The following HMCN1 variants were observed in gnomAD, a reference collection of about 807,000 sequenced individuals.
The protein encoded by HMCN1 is hemicentin-1.
Under a neutral mutation model 625.9 loss-of-function variants are expected in HMCN1, and 321 were observed. That is an observed-to-expected ratio of 0.51 (90% CI 0.47 to 0.56). HMCN1 has a LOEUF of 0.56. Ranked by LOEUF, HMCN1 falls within the 20% of genes least tolerant of loss-of-function variation. The probability of loss-of-function intolerance (pLI) is 0.00; values close to 1 mark genes in which losing one functional copy is unlikely to be tolerated. For missense variants in HMCN1, 6,588 were observed against 6,887.3 expected (o/e 0.96, Z 1.54); for synonymous variants, 2,425 against 2,417.6 (o/e 1.00, Z -0.09).
chr1:186,123,316 T>G, intron 81 of HMCN1, 96 bp downstream of exon 81: 1 of 1,413,592 alleles, frequency 7.1e-7, no homozygotes, highest in Non-Finnish European at 9.7e-7. Flanking sequence ...CAAAAACCCT[T>G]AAACTCAGTA....
intron 89 of HMCN1, among the ~76,000 whole-genome samples, chr1:186,143,961 T>TA (rs1650124860): frequency 6.6e-6 from 1 of 152,200 alleles, no homozygotes; most frequent in African/African-American, 2.4e-5. Flanking sequence ...TGGCATCAGG[T>TA]AAGCCTTCTG....
At chr1:186,094,769 G>T (rs1406378051) in intron 67 of HMCN1, among the ~76,000 whole-genome samples, 2 of 152,106 alleles carry the variant, frequency 1.3e-5, no homozygotes, top group Non-Finnish European at 2.9e-5. Context: ...TATATGGAGA[G>T]AACTCAATAC....
At chr1:186,044,027 G>C (rs1656384813) in intron 40 of HMCN1, among the ~76,000 whole-genome samples, 9 of 152,108 alleles carry the variant, frequency 5.9e-5, no homozygotes. Flanking sequence ...TTTGCAGTGA[G>C]CCGAGATCAT....
chr1:186,178,497 C>T lies in HMCN1; in HGVS notation c.16025C>T (p.Pro5342Leu). ...NTPGSFKCICPPGQHLLGDGK... is the reference protein window; with the variant it reads ...NTPGSFKCICLPGQHLLGDGK... ...CCCGGCAGCTTCAAGTGTATCTGTC[C>T]ACCAGGACAACATTTATTAGGGGAC... The change falls in exon 104 of 107, where the codon CCA (proline) becomes CTA (leucine). Residue 5342 changes from proline to leucine, a missense_variant. Around this residue, in one of 3 missense-constraint regions of HMCN1, gnomAD observed 1,954 missense variants for 2,013.1 expected, o/e 0.97. Transcript: ENST00000271588. The T allele has an allele frequency of 6.2e-7, 1 of 1,614,066 alleles. No individual in the cohort carries two copies. The highest frequency in any genetic ancestry group is 8.5e-7 in the Non-Finnish European group (1 of 1,179,992).
chr1:185,808,670 T>C (rs1193930544), intron 1 of HMCN1, among the ~76,000 whole-genome samples: 2 of 152,214 alleles, frequency 1.3e-5, no homozygotes, highest in African/African-American at 4.8e-5. Context: ...CATATTATAT[T>C]TTGATGTTTG....
At chr1:185,827,336 AAAAC>A in intron 1 of HMCN1, among the ~76,000 whole-genome samples, 1 of 152,262 alleles carries the variant, frequency 6.6e-6, no homozygotes, top group Non-Finnish European at 1.5e-5. Context: ...AAAATAAAGT[AAAAC>A]AAAACTTTAA....
chr1:185,857,584 G>T lies in HMCN1; in HGVS notation c.340-6886G>T, dbSNP rs12024953. On this transcript the variant is annotated intron_variant, in intron 2 of 106. Coordinates refer to ENST00000271588, the MANE Select transcript of HMCN1 (RefSeq NM_031935.3). Reference sequence around the variant, plus strand: ...TGACTGTATGCCAGGACAGAGAGGGGTGTGGGGGAGAGATCAAACATAGGG... The same window carrying T: ...TGACTGTATGCCAGGACAGAGAGGGTTGTGGGGGAGAGATCAAACATAGGG... 1.3e-3 allele frequency among the ~76,000 whole-genome samples: 195 copies of T among 152,172 alleles called. 3 individuals are homozygous for T. In the East Asian group the frequency reaches 0.034, roughly 27 times the overall value.
chr1:185,997,430 A>G lies in HMCN1; in HGVS notation c.3780A>G (p.Glu1260=), dbSNP rs1232502379. 1 of 1,604,012 alleles carries G rather than the reference A, an allele frequency of 6.2e-7. No individual in the cohort carries two copies. The highest frequency in any genetic ancestry group is 8.5e-7 in the Non-Finnish European group (1 of 1,171,518). The change falls in exon 25 of 107, where the codon GAA becomes GAG. Residue 1260 remains glutamate (E), a splice_region_variant and synonymous_variant. Transcript: ENST00000271588. ...ATAATGCATTTATTTTCCTAATAGA[A>G]CCACCCACAGTGGAAGATCTAGAAC... The part of the protein sequence containing the change: ...DETEITLHVQ[E]PPTVEDLEPP...
At chr1:185,951,127 C>T (rs1285232716) in intron 11 of HMCN1, among the ~76,000 whole-genome samples, 1 of 151,388 alleles carries the variant, frequency 6.6e-6, no homozygotes, top group African/African-American at 2.4e-5. Context: ...GTAGAGGTAT[C>T]TTATACTTGT....
intron 1 of HMCN1, among the ~76,000 whole-genome samples, chr1:185,761,001 C>T (rs1655464842): frequency 6.6e-6 from 1 of 151,968 alleles, no homozygotes; most frequent in South Asian, 2.1e-4. Context: ...TCTTATTTTC[C>T]TTTTATTTAT....
At chr1:185,886,846 G>A (rs866988865) in intron 4 of HMCN1, among the ~76,000 whole-genome samples, 16 of 152,094 alleles carry the variant, frequency 1.1e-4, no homozygotes, top group African/African-American at 2.9e-4. Context: ...TCTAAAAACC[G>A]ATTCTACTGC....
chr1:186,087,982 G>A lies in HMCN1; in HGVS notation c.9414G>A (p.Arg3138=), dbSNP rs372110788. 8.7e-6 allele frequency: 14 copies of A among 1,612,984 alleles called. No individual in the cohort carries two copies. The East Asian group carries it at 2.7e-4, about 31-fold the overall frequency. Residue 3138 remains arginine (R), a synonymous_variant, in exon 61 of 107, where the codon CGG becomes CGA. Transcript: ENST00000271588. ...GTAGAGCTATAAATGTAGCAGGACG[G>A]GATGATAAAAATTTCCACCTCAATG... is the stretch of plus-strand genomic sequence containing the variant. ...YVCRAINVAG[R]DDKNFHLNVY...
At chr1:186,089,426 C>G (rs1659709993) in intron 63 of HMCN1, among the ~76,000 whole-genome samples, 1 of 151,920 alleles carries the variant, frequency 6.6e-6, no homozygotes, top group South Asian at 2.1e-4. Flanking sequence ...ATGAATTCTA[C>G]TATGAATATT....
At chr1:185,921,377 A>G (rs1230927320) in intron 6 of HMCN1, among the ~76,000 whole-genome samples, 1 of 152,208 alleles carries the variant, frequency 6.6e-6, no homozygotes, top group Non-Finnish European at 1.5e-5. Flanking sequence ...TTGCTAAATA[A>G]CAAGGAGTTG....
intron 1 of HMCN1, among the ~76,000 whole-genome samples, chr1:185,818,713 C>T (rs996968621): frequency 5.3e-5 from 8 of 152,008 alleles, no homozygotes; most frequent in African/African-American, 1.9e-4. Context: ...GATATGTGCC[C>T]AATAACTACA....
chr1:185,744,726 A>G (rs1654267670), intron 1 of HMCN1, among the ~76,000 whole-genome samples: 2 of 152,250 alleles, frequency 1.3e-5, no homozygotes, highest in East Asian at 3.8e-4. Flanking sequence ...GTTTTCTGGA[A>G]TAATTGTGGC....
intron 97 of HMCN1, among the ~76,000 whole-genome samples, chr1:186,157,092 T>A (rs1651075520): frequency 6.6e-6 from 1 of 152,238 alleles, no homozygotes; most frequent in Middle Eastern, 3.2e-3. Flanking sequence ...GATTTTCAAA[T>A]GATTTTTATA....
chr1:185,858,584 T>A (rs1194039580), intron 2 of HMCN1, among the ~76,000 whole-genome samples: 2 of 108,922 alleles, frequency 1.8e-5, no homozygotes, highest in Non-Finnish European at 3.6e-5. Flanking sequence ...CACACCCAGC[T>A]AATTTTTTTT....
chr1:185,884,993 A>C (rs1172343409), intron 4 of HMCN1, among the ~76,000 whole-genome samples: 2 of 151,952 alleles, frequency 1.3e-5, no homozygotes, highest in East Asian at 3.8e-4. Flanking sequence ...AAATGTTATC[A>C]AGTTGAGCAT....
Sources: gnomAD v4.1 joint callset for allele counts (sites outside exome capture counted in the v4.1 genomes callset) on GRCh38, gnomAD v4.1.1 for gene constraint, gnomAD v4.1.1 regional missense constraint, MANE v1.5 for transcripts, NCBI Gene and HGNC (gene_info 2026-07-23, HGNC 2026-07-21) for gene names.